MYO5B: variants seen among roughly 807,000 people sequenced by gnomAD.
MYO5B encodes unconventional myosin-Vb.
A neutral mutation model predicts 229.3 loss-of-function variants in MYO5B; 143 were observed. That is an observed-to-expected ratio of 0.62 (90% CI 0.54 to 0.72). MYO5B has a LOEUF of 0.72. MYO5B is among the 30% of genes least tolerant of loss of function. The probability of loss-of-function intolerance (pLI) is 0.00; values close to 1 mark genes in which losing one functional copy is unlikely to be tolerated. For missense variants in MYO5B, 2,321 were observed against 2,331.0 expected, an observed-to-expected ratio of 1.00 and a Z score of 0.09; for synonymous variants, 918 against 885.2, an observed-to-expected ratio of 1.04 and a Z score of -0.66.
At chr18:49,978,778 C>T (rs889778776) in intron 9 of MYO5B, among the ~76,000 whole-genome samples, 2 of 150,574 alleles carry the variant, frequency 1.3e-5, no homozygotes, top group South Asian at 4.2e-4. Flanking sequence ...GAGGTAAGAA[C>T]CCATGAAAGA....
intron 20 of MYO5B, among the ~76,000 whole-genome samples, chr18:49,903,770 G>C (rs1040776482): frequency 2.0e-5 from 3 of 152,248 alleles, no homozygotes; most frequent in Admixed American, 6.5e-5. Flanking sequence ...CTGTGCTTCA[G>C]ATGTGTTGGT....
chr18:50,169,855 T>C lies in MYO5B; in HGVS notation c.27+24912A>G, dbSNP rs1350746733. Among the ~76,000 whole-genome samples, 2 of 126,212 alleles carry C rather than the reference T, an allele frequency of 1.6e-5. 1 individual carries two copies. Among genetic ancestry groups the C allele is most frequent in the African/African-American group, 6.0e-5 (2 of 33,294 alleles). 82.8% of individuals were successfully genotyped at this position (126,212 alleles called of 152,430 possible). ...ACTTGCTTTCCACCTAGAATACAGA[T>C]GTGAGGATCAAGTCCCATGATGAGC... On this transcript the variant is annotated intron_variant, in intron 1 of 39. Coordinates refer to ENST00000285039, the MANE Select transcript of MYO5B (RefSeq NM_001080467.3).
intron 4 of MYO5B, among the ~76,000 whole-genome samples, chr18:50,027,578 T>C (rs1312713654): frequency 6.6e-6 from 1 of 152,234 alleles, no homozygotes; most frequent in Admixed American, 6.5e-5. Context: ...AAGTCATGAT[T>C]GACTAACCCA....
chr18:50,047,814 T>C (rs1002364944), intron 2 of MYO5B, among the ~76,000 whole-genome samples: 1 of 151,698 alleles, frequency 6.6e-6, no homozygotes, highest in African/African-American at 2.4e-5. Flanking sequence ...CTGGAAACCA[T>C]CATTCTCAGC....
intron 4 of MYO5B, among the ~76,000 whole-genome samples, chr18:50,003,596 A>C (rs2026070049): frequency 6.6e-6 from 1 of 152,224 alleles, no homozygotes; most frequent in Non-Finnish European, 1.5e-5. Context: ...GAGCACAACC[A>C]TCCCAGGCAA....
intron 1 of MYO5B, among the ~76,000 whole-genome samples, chr18:50,119,170 G>A (rs1201147640): frequency 6.6e-6 from 1 of 152,210 alleles, no homozygotes; most frequent in Non-Finnish European, 1.5e-5. Context: ...CAGATCTGAG[G>A]TGGGGCCCAG....
At chr18:49,942,031 T>C (rs562206635) in intron 14 of MYO5B, among the ~76,000 whole-genome samples, 1 of 104,638 alleles carries the variant, frequency 9.6e-6, no homozygotes, top group Non-Finnish European at 2.1e-5. Flanking sequence ...GAAATAATGC[T>C]GCATATCTAC....
intron 1 of MYO5B, among the ~76,000 whole-genome samples, chr18:50,166,461 C>A (rs781472253): frequency 1.3e-5 from 2 of 152,170 alleles, no homozygotes; most frequent in Non-Finnish European, 2.9e-5. Flanking sequence ...CATCCATCAT[C>A]CCAATAACAC....
At chr18:50,001,172 C>G in intron 5 of MYO5B, 83 bp downstream of exon 5, 1 of 1,570,986 alleles carries the variant, frequency 6.4e-7, no homozygotes, top group Non-Finnish European at 8.8e-7. Context: ...GTGAAGGCTG[C>G]CACCCAGGCT....
At chr18:50,159,720 C>T (rs1440045021) in intron 1 of MYO5B, among the ~76,000 whole-genome samples, 2 of 152,226 alleles carry the variant, frequency 1.3e-5, no homozygotes, top group Non-Finnish European at 2.9e-5. Context: ...TGCCCCACGC[C>T]GCCAGCAACC....
chr18:49,843,344 T>C lies in MYO5B; in HGVS notation c.4508A>G (p.Tyr1503Cys), dbSNP rs1157320357. Residue 1503 changes from tyrosine (Y) to cysteine (C), a missense_variant, in exon 34 of 40, where the codon TAC (tyrosine) becomes TGC (cysteine). Physicochemically the swap from Tyr to Cys is radical, Grantham distance 194. Coordinates refer to ENST00000285039, the MANE Select transcript of MYO5B (RefSeq NM_001080467.3). ...LSGTVPCLPA[Y>C]ILYMCIRHAD... ...GTGCCGGATGCACATGTAGAGGATG[T>C]AGGCGGGGAGACAGGGCACTGTGCC... 3 of 1,614,168 alleles carry C rather than the reference T, an allele frequency of 1.9e-6. No individual in the cohort carries two copies. The highest frequency in any genetic ancestry group is 1.7e-5 in the Admixed American group (1 of 60,014).
chr18:50,136,362 T>C (rs2032335420), intron 1 of MYO5B, among the ~76,000 whole-genome samples: 1 of 116,780 alleles, frequency 8.6e-6, no homozygotes, highest in East Asian at 2.2e-4. Context: ...GTTTTTTTTT[T>C]ACTTTTTTTT....
chr18:49,851,228 G>A lies in MYO5B; in HGVS notation c.4222-1568C>T, dbSNP rs1031133385. ...ACATCTCAGTCATCTTCTCAGGAAA[G>A]CCCAGAAAATCCAATACCCCTCCCG... On this transcript the variant is annotated intron_variant, in intron 31 of 39. Coordinates refer to ENST00000285039, the MANE Select transcript of MYO5B (RefSeq NM_001080467.3). 1.1e-4 allele frequency among the ~76,000 whole-genome samples: 16 copies of A among 152,286 alleles called. 1 individual carries two copies. Among genetic ancestry groups the A allele is most frequent in the Admixed American group, 7.8e-4 (12 of 15,308 alleles).
At chr18:50,062,165 GA>G (rs57587120) in intron 1 of MYO5B, among the ~76,000 whole-genome samples, 19,689 of 148,128 alleles carry the variant, frequency 0.13, 1,418 homozygotes, top group East Asian at 0.25. Flanking sequence ...AATTACACAT[GA>G]AAAAAAAAAA....
rs755870645 is a variant in MYO5B at position 49,894,991 on chromosome 18, G to A, written c.2995C>T (p.Arg999Cys). Residue 999 changes from arginine (R) to cysteine (C), a missense_variant, in exon 22 of 40, where the codon CGC (arginine) becomes TGC (cysteine). Coordinates refer to ENST00000285039, the MANE Select transcript of MYO5B (RefSeq NM_001080467.3). The part of the protein sequence containing the change: ...RTELQRAHSE[R>C]KILEDAHSRE... ...CTGTGGGCGTCCTCCAAGATCTTGC[G>A]CTCCGAGTGGGCCCTCTGCAGCTCT... The A allele has an allele frequency of 4.1e-5, 66 of 1,613,602 alleles. No homozygotes were observed. The Middle Eastern group carries it at 4.9e-4, about 12-fold the overall frequency.
At chr18:50,077,192 A>AAAAAAAAAACAC (rs1568097402) in intron 1 of MYO5B, among the ~76,000 whole-genome samples, 1 of 147,206 alleles carries the variant, frequency 6.8e-6, no homozygotes, top group African/African-American at 2.5e-5. Context: ...AAAAAAAAAA[A>AAAAAAAAAACAC]AGACAACTTA....
At chr18:50,008,270 T>C (rs186643496) in intron 4 of MYO5B, among the ~76,000 whole-genome samples, 2 of 152,138 alleles carry the variant, frequency 1.3e-5, no homozygotes, top group Non-Finnish European at 2.9e-5. Flanking sequence ...GTACTAACAT[T>C]TTCCTCATCC....
In MYO5B at chr18:50,062,994, A is replaced by T. The variant is rs372399454; in HGVS notation, c.28-7616T>A. On this transcript the variant is annotated intron_variant, in intron 1 of 39. Transcript: ENST00000285039. ...TTGTTGTTAGGATTAAATAATGTAT[A>T]TGAAATATTTGGCCCAGTATCTGGC... Among the ~76,000 whole-genome samples, 13 of 152,264 alleles carry T rather than the reference A, an allele frequency of 8.5e-5. No homozygotes were observed. In the South Asian group the frequency reaches 1.9e-3, roughly 22 times the overall value.
At chr18:49,827,707 A>G (rs2023864134) in intron 39 of MYO5B, among the ~76,000 whole-genome samples, 1 of 152,108 alleles carries the variant, frequency 6.6e-6, no homozygotes, top group African/African-American at 2.4e-5. Flanking sequence ...ACCAACATAC[A>G]CATTACAGGA....
Sources: allele counts gnomAD v4.1 joint callset (sites outside exome capture counted in the v4.1 genomes callset), GRCh38; gene constraint gnomAD v4.1.1; transcripts MANE v1.5; gene names NCBI Gene and HGNC (gene_info 2026-07-23, HGNC 2026-07-21).